Variants in OPHN1 observed in about 807,000 individuals in gnomAD.
The protein encoded by OPHN1 is oligophrenin 1, also known as oligophrenin-1.
Under a neutral mutation model 60.7 loss-of-function variants are expected in OPHN1, and 11 were observed. The ratio of observed to expected loss-of-function variants is 0.18; its 90% CI spans 0.11 to 0.30. OPHN1 has a LOEUF of 0.30. OPHN1 is among the 10% of genes least tolerant of loss of function. The pLI, the probability that OPHN1 is intolerant of heterozygous loss-of-function variation, is 1.00. For missense variants in OPHN1, 449 were observed against 611.0 expected (o/e 0.73, Z 2.80); for synonymous variants, 226 against 222.6 (o/e 1.02, Z -0.14).
At chrX:68,073,097 A>T in intron 20 of OPHN1, 55 bp downstream of exon 20, 1 of 1,159,162 alleles carries the variant, frequency 8.6e-7, no homozygotes, top group Non-Finnish European at 1.2e-6. Flanking sequence ...GCCCTTCGAT[A>T]TCCTCTTTGT....
chrX:68,053,859 C>T (rs757390185), intron 21 of OPHN1, 49 bp from the exon 22 acceptor site: 1 of 1,173,196 alleles, frequency 8.5e-7, no homozygotes, highest in African/African-American at 1.8e-5. Context: ...CCAAACAGAA[C>T]ACTACTCATG....
At chrX:68,072,553 C>G (rs2076938620) in intron 20 of OPHN1, among the ~76,000 whole-genome samples, 1 of 111,463 alleles carries the variant, frequency 9.0e-6, no homozygotes, top group Non-Finnish European at 1.9e-5. Flanking sequence ...TACTCACAAA[C>G]TGAGTATGAT....
At chrX:68,254,517 G>T (rs1235450918) in intron 5 of OPHN1, among the ~76,000 whole-genome samples, 1 of 110,446 alleles carries the variant, frequency 9.1e-6, no homozygotes, top group African/African-American at 3.3e-5. Context: ...CAGATATCAG[G>T]CAGGCAAGCA....
At chrX:68,125,458 G>GTT (rs2077165998) in intron 15 of OPHN1, among the ~76,000 whole-genome samples, 1 of 111,489 alleles carries the variant, frequency 9.0e-6, no homozygotes, top group African/African-American at 3.3e-5. Flanking sequence ...GATAAAAAGA[G>GTT]AGAATATCCC....
chrX:68,135,534 C>T (rs1602181857), intron 15 of OPHN1, among the ~76,000 whole-genome samples: 2 of 112,060 alleles, frequency 1.8e-5, no homozygotes, highest in South Asian at 7.5e-4. Flanking sequence ...GAATGGTCTG[C>T]TCTGACTTGG....
chrX:68,384,824 T>C (rs1279562151), intron 2 of OPHN1, among the ~76,000 whole-genome samples: 2 of 111,550 alleles, frequency 1.8e-5, no homozygotes, highest in African/African-American at 6.5e-5. Context: ...AATCAAATAT[T>C]GTATGTTCTC....
chrX:68,260,996 T>A (rs772197841), intron 5 of OPHN1, among the ~76,000 whole-genome samples: 4 of 111,844 alleles, frequency 3.6e-5, no homozygotes, highest in African/African-American at 1.3e-4. Context: ...AAGTTCTTTC[T>A]GTGATAACTG....
intron 15 of OPHN1, among the ~76,000 whole-genome samples, chrX:68,171,157 T>C (rs1483657539): frequency 9.0e-6 from 1 of 110,671 alleles, no homozygotes; most frequent in Non-Finnish European, 1.9e-5. Flanking sequence ...GATAAATGCT[T>C]GAGGTGATGG....
intron 10 of OPHN1, among the ~76,000 whole-genome samples, chrX:68,204,432 G>A (rs1189899579): frequency 8.9e-6 from 1 of 112,009 alleles, no homozygotes; most frequent in Non-Finnish European, 1.9e-5. Flanking sequence ...GAGGGTAAAT[G>A]AGGAGCATGA....
chrX:68,148,226 G>A (rs1339598385), intron 15 of OPHN1, among the ~76,000 whole-genome samples: 2 of 111,224 alleles, frequency 1.8e-5, no homozygotes, highest in African/African-American at 6.5e-5. Flanking sequence ...GATGTTAAAG[G>A]ATACGATAAT....
chrX:68,302,571 A>G (rs909157853), intron 2 of OPHN1, among the ~76,000 whole-genome samples: 1 of 109,184 alleles, frequency 9.2e-6, no homozygotes, highest in East Asian at 2.8e-4. Flanking sequence ...CCTGGGCAAC[A>G]CAAAGAGACT....
At chrX:68,349,297 A>G (rs1324527043) in intron 2 of OPHN1, among the ~76,000 whole-genome samples, 2 of 112,220 alleles carry the variant, frequency 1.8e-5, no homozygotes, top group Non-Finnish European at 3.8e-5. Flanking sequence ...GCCAACAGAC[A>G]TATGAAAAAA....
chrX:68,294,473 CAAAAAAAAAAAAAAAAA>C (rs570989143), intron 3 of OPHN1, among the ~76,000 whole-genome samples: 1 of 10,657 alleles, frequency 9.4e-5, no homozygotes, highest in African/African-American at 2.5e-4. Flanking sequence ...GACTCTATCA[CAAAAAAAAAAAAAAAAA>C]AAAAAAAAAA....
chrX:68,118,178 C>G (rs1360690788), intron 16 of OPHN1, among the ~76,000 whole-genome samples: 1 of 111,288 alleles, frequency 9.0e-6, no homozygotes, highest in African/African-American at 3.3e-5. Context: ...AAAATACAAG[C>G]TGGGACCATG....
chrX:68,370,744 G>A (rs2078523985), intron 2 of OPHN1, among the ~76,000 whole-genome samples: 1 of 111,685 alleles, frequency 9.0e-6, no homozygotes, highest in Non-Finnish European at 1.9e-5. Flanking sequence ...ACACAGGAGA[G>A]GGGACAGAGC....
intron 21 of OPHN1, among the ~76,000 whole-genome samples, chrX:68,058,095 C>T (rs919364130): frequency 2.7e-5 from 3 of 111,320 alleles, no homozygotes; most frequent in Non-Finnish European, 5.6e-5. Flanking sequence ...AATGTTAGAC[C>T]CAGCTGACTT....
intron 11 of OPHN1, among the ~76,000 whole-genome samples, chrX:68,200,195 T>C (rs910997708): frequency 3.6e-5 from 4 of 110,517 alleles, no homozygotes; most frequent in African/African-American, 1.3e-4. Flanking sequence ...ATGGGGGGGG[T>C]GTAGATTAAA....
intron 2 of OPHN1, among the ~76,000 whole-genome samples, chrX:68,391,393 TAC>T (rs1356449735): frequency 9.0e-6 from 1 of 111,456 alleles, no homozygotes; most frequent in East Asian, 2.8e-4. Context: ...TGTGACAGAA[TAC>T]AGAGACACAA....
chrX:68,153,489 G>A (rs2039435017), intron 15 of OPHN1, among the ~76,000 whole-genome samples: 2 of 111,616 alleles, frequency 1.8e-5, no homozygotes, highest in Admixed American at 1.9e-4. Context: ...TAATATGACT[G>A]AATACCTTCT....
Sources: gnomAD v4.1 joint callset for allele counts (sites outside exome capture counted in the v4.1 genomes callset) on GRCh38, gnomAD v4.1.1 for gene constraint, MANE v1.5 for transcripts, NCBI Gene and HGNC (gene_info 2026-07-23, HGNC 2026-07-21) for gene names.